The following STK31 variants were observed in gnomAD, a reference collection of about 807,000 sequenced individuals.
The protein encoded by STK31 is serine/threonine-protein kinase 31.
STK31 carries 89 observed loss-of-function variants against 129.7 expected under a neutral mutation model. The observed-to-expected ratio is 0.69, with a 90% CI of 0.58 to 0.82. STK31 has a LOEUF of 0.82. Ranked by LOEUF, STK31 falls within the 40% of genes least tolerant of loss-of-function variation. The probability of loss-of-function intolerance (pLI) is 0.00; values close to 1 mark genes in which losing one functional copy is unlikely to be tolerated. For missense variants in STK31, 1,187 were observed against 1,176.4 expected, an observed-to-expected ratio of 1.01 and a Z score of -0.13; for synonymous variants, 448 against 395.3, an observed-to-expected ratio of 1.13 and a Z score of -1.58.
At chr7:23,757,017 G>A in intron 10 of STK31, among the ~76,000 whole-genome samples, 1 of 152,156 alleles carries the variant, frequency 6.6e-6, no homozygotes, top group Non-Finnish European at 1.5e-5. Flanking sequence ...AATGAGTTAG[G>A]GAGGAGTCCG....
At position 23,729,068 on chromosome 7, in the gene STK31, T is replaced by A. The variant is rs762503882; in HGVS notation, c.325-23T>A. ...ACATTTAATCTGGGGTCAGTATTCG[T>A]ATTTGTCTCTTATTTTTTCCAGTGT... On this transcript the variant is annotated intron_variant, in intron 5 of 23. Transcript: ENST00000355870. 8.2e-6 allele frequency: 13 copies of A among 1,577,342 alleles called. No individual in the cohort carries two copies. The East Asian group carries it at 3.0e-4, about 36-fold the overall frequency.
At position 23,762,125 on chromosome 7, in the gene STK31, G is replaced by T. The variant is rs1789508916; in HGVS notation, c.1294-676G>T. On this transcript the variant is annotated intron_variant, in intron 10 of 23. Coordinates refer to ENST00000355870, the MANE Select transcript of STK31 (RefSeq NM_031414.5). ...TTATTATTTTACTTTTAGGGTACAT[G>T]TGCACAATGTGCAGGTTAGTTACAT... 2.0e-5 allele frequency among the ~76,000 whole-genome samples: 3 copies of T among 151,540 alleles called. No homozygotes were observed. In the South Asian group the frequency reaches 6.3e-4, roughly 32 times the overall value.
At chr7:23,809,688 T>C (rs577661434) in intron 22 of STK31, among the ~76,000 whole-genome samples, 1 of 152,334 alleles carries the variant, frequency 6.6e-6, no homozygotes, top group East Asian at 1.9e-4. Context: ...ACAGTTCAAA[T>C]CTACATTGTT....
At chr7:23,828,422 C>T (rs367796796) in intron 23 of STK31, among the ~76,000 whole-genome samples, 2 of 152,232 alleles carry the variant, frequency 1.3e-5, no homozygotes, top group African/African-American at 2.4e-5. Flanking sequence ...CCTGGTGTGC[C>T]GTTTGTTAAG....
Position 23,725,111 on chromosome 7 carries a change from A to C in STK31, c.250-2130A>C, listed in dbSNP as rs1404995577. 2.6e-5 allele frequency among the ~76,000 whole-genome samples: 4 copies of C among 152,330 alleles called. No homozygotes were observed. In the East Asian group the frequency reaches 7.7e-4, roughly 29 times the overall value. Reference sequence around the variant, plus strand: ...TAATACTACAGATATACAGTATATAATAACTATGTTATCAGTAGGGTTGAA... The same window carrying C: ...TAATACTACAGATATACAGTATATACTAACTATGTTATCAGTAGGGTTGAA... On this transcript the variant is annotated intron_variant, in intron 4 of 23. Coordinates refer to ENST00000355870, the MANE Select transcript of STK31 (RefSeq NM_031414.5).
chr7:23,746,118 T>C (rs1459155579), intron 8 of STK31, among the ~76,000 whole-genome samples: 1 of 152,026 alleles, frequency 6.6e-6, no homozygotes, highest in African/African-American at 2.4e-5. Flanking sequence ...GCAGTCTACT[T>C]GGGGCTGGGC....
intron 8 of STK31, among the ~76,000 whole-genome samples, chr7:23,741,414 A>G (rs1050469087): frequency 6.6e-6 from 1 of 152,198 alleles, no homozygotes; most frequent in Non-Finnish European, 1.5e-5. Flanking sequence ...TATCATTTAC[A>G]TATAGTAAAA....
At chr7:23,744,618 G>T (rs1169771624) in intron 8 of STK31, among the ~76,000 whole-genome samples, 1 of 152,200 alleles carries the variant, frequency 6.6e-6, no homozygotes, top group Admixed American at 6.5e-5. Flanking sequence ...TTTTCCTGAA[G>T]ATGTACCCAT....
chr7:23,823,899 G>T, intron 23 of STK31, among the ~76,000 whole-genome samples: 1 of 152,120 alleles, frequency 6.6e-6, no homozygotes. Context: ...TCAAAGATCA[G>T]GTAGTTGTAG....
chr7:23,830,591 G>GTTGTGT (rs1794483250), intron 23 of STK31, among the ~76,000 whole-genome samples: 1 of 75,010 alleles, frequency 1.3e-5, no homozygotes, highest in Non-Finnish European at 2.5e-5. Flanking sequence ...TAATTTCCAT[G>GTTGTGT]TTGTGTGTGT....
intron 23 of STK31, among the ~76,000 whole-genome samples, chr7:23,818,226 C>T (rs967966023): frequency 6.6e-6 from 1 of 151,924 alleles, no homozygotes; most frequent in Admixed American, 6.6e-5. Context: ...TTCTCCATGC[C>T]ATGTATTATG....
chr7:23,735,495 G>A, intron 6 of STK31, 43 bp from the exon 7 acceptor site: 1 of 1,485,264 alleles, frequency 6.7e-7, no homozygotes, highest in Non-Finnish European at 9.1e-7. Flanking sequence ...TAAGGGAAGA[G>A]AAACATGTTG....
chr7:23,733,209 C>T (rs919805274), intron 6 of STK31, among the ~76,000 whole-genome samples: 3 of 151,784 alleles, frequency 2.0e-5, no homozygotes, highest in Admixed American at 1.3e-4. Context: ...ATTTATAAAA[C>T]CTGTGTGTTT....
intron 10 of STK31, among the ~76,000 whole-genome samples, chr7:23,759,658 A>G (rs1789332032): frequency 6.6e-6 from 1 of 152,142 alleles, no homozygotes; most frequent in Admixed American, 6.6e-5. Flanking sequence ...TGAAAACTTT[A>G]CCTTTGGTTA....
At chr7:23,778,170 C>G (rs1222345552) in intron 15 of STK31, among the ~76,000 whole-genome samples, 3 of 152,200 alleles carry the variant, frequency 2.0e-5, no homozygotes, top group African/African-American at 7.2e-5. Context: ...GGCCCCCACT[C>G]TCTTCTGGCA....
chr7:23,781,567 A>C (rs1294139394), intron 16 of STK31, 47 bp downstream of exon 16: 16 of 1,413,960 alleles, frequency 1.1e-5, no homozygotes, highest in Non-Finnish European at 1.5e-5. Context: ...TTACTCTAGA[A>C]ATTGAATTTA....
intron 8 of STK31, among the ~76,000 whole-genome samples, chr7:23,737,991 A>G (rs1787819778): frequency 6.6e-6 from 1 of 152,092 alleles, no homozygotes; most frequent in Admixed American, 6.6e-5. Flanking sequence ...TTCTGACACT[A>G]CATTACCTGT....
At chr7:23,771,566 T>C (rs946070857) in intron 14 of STK31, 4 of 153,106 alleles carry the variant, frequency 2.6e-5, no homozygotes, top group African/African-American at 9.6e-5. Flanking sequence ...TATGAACATT[T>C]TTCTATATGA....
intron 23 of STK31, among the ~76,000 whole-genome samples, chr7:23,824,935 C>A (rs937736572): frequency 2.8e-4 from 42 of 152,014 alleles, no homozygotes; most frequent in African/African-American, 1.0e-3. Flanking sequence ...GCCTTGCATC[C>A]CAGGGATGAA....
Sources: gnomAD v4.1 joint callset for allele counts (sites outside exome capture counted in the v4.1 genomes callset) on GRCh38, gnomAD v4.1.1 for gene constraint, MANE v1.5 for transcripts, NCBI Gene and HGNC (gene_info 2026-07-23, HGNC 2026-07-21) for gene names.